The following SYNE2 variants were observed in gnomAD, a reference collection of about 807,000 sequenced individuals.
The protein encoded by SYNE2 is nesprin-2.
Under a neutral mutation model 856.3 loss-of-function variants are expected in SYNE2, and 431 were observed. The observed-to-expected ratio is 0.50, with a 90% CI of 0.47 to 0.55. The LOEUF is 0.55. Ranked by LOEUF, SYNE2 falls within the 20% of genes least tolerant of loss-of-function variation. The probability of loss-of-function intolerance (pLI) is 0.00; values close to 1 mark genes in which losing one functional copy is unlikely to be tolerated. For synonymous variants in SYNE2, 2,923 were observed against 2,872.3 expected (o/e 1.02, Z -0.56); for missense variants, 8,129 against 8,023.2 (o/e 1.01, Z -0.50).
At chr14:63,765,879 G>A (rs1385925527) in intron 1 of SYNE2, among the ~76,000 whole-genome samples, 1 of 152,120 alleles carries the variant, frequency 6.6e-6, no homozygotes, top group Non-Finnish European at 1.5e-5. Context: ...GTTGGTGCAC[G>A]CCTGTAGTCC....
chr14:64,104,992 A>G (rs1043424684), intron 64 of SYNE2, among the ~76,000 whole-genome samples: 2 of 152,072 alleles, frequency 1.3e-5, no homozygotes, highest in African/African-American at 4.8e-5. Context: ...TGTTGGTGCC[A>G]CTATTTTCTC....
chr14:63,883,354 C>T (rs1216137989), intron 1 of SYNE2, among the ~76,000 whole-genome samples: 2 of 150,224 alleles, frequency 1.3e-5, no homozygotes, highest in African/African-American at 2.5e-5. Context: ...CCACGATGCT[C>T]GGCCTATTTA....
At chr14:63,928,841 G>A (rs183791573) in intron 2 of SYNE2, among the ~76,000 whole-genome samples, 2 of 152,052 alleles carry the variant, frequency 1.3e-5, no homozygotes, top group African/African-American at 2.4e-5. Flanking sequence ...CATCCTTACC[G>A]TGTCCGTCCT....
chr14:63,769,920 C>CAT (rs889130213), intron 1 of SYNE2, among the ~76,000 whole-genome samples: 7 of 150,854 alleles, frequency 4.6e-5, no homozygotes, highest in South Asian at 2.1e-4. Flanking sequence ...CTAGGGGCAA[C>CAT]ATATATATAT....
chr14:64,113,560 G>T lies in SYNE2; in HGVS notation c.12829G>T (p.Val4277Leu). 1 of 1,608,498 alleles carries T rather than the reference G, an allele frequency of 6.2e-7. No homozygotes were observed. The highest frequency in any genetic ancestry group is 1.1e-5 in the South Asian group (1 of 90,052). ...DMQQVLEQQL[V>L]GCQAMLTEIE... Reference sequence around the variant, plus strand: ...GCAGCAGGTGCTGGAACAGCAGCTGGTAGGGTGCCAGGTAAGACTGAGAAG... The same window carrying T: ...GCAGCAGGTGCTGGAACAGCAGCTGTTAGGGTGCCAGGTAAGACTGAGAAG... The change falls in exon 66 of 116, where the codon GTA (valine) becomes TTA (leucine). Residue 4277 changes from valine (V) to leucine (L), a missense_variant. Coordinates refer to ENST00000555002, the MANE Select transcript of SYNE2 (RefSeq NM_182914.3).
At chr14:64,147,891 G>A (rs1286767502) in intron 84 of SYNE2, among the ~76,000 whole-genome samples, 1 of 152,192 alleles carries the variant, frequency 6.6e-6, no homozygotes, top group East Asian at 1.9e-4. Flanking sequence ...AACAGGCTAT[G>A]CCCAGTTCTT....
rs1246196521 is a variant in SYNE2 at position 63,988,421 on chromosome 14, GT to G, written c.2313+1812del. Reference sequence around the variant, plus strand: ...TGCTGTACCTTTCTATTGTTTTTCAGTTTTTTTTAATTACATGAGCTTTTTT... The same window carrying G: ...TGCTGTACCTTTCTATTGTTTTTCAGTTTTTTTAATTACATGAGCTTTTTT... On this transcript the variant is annotated intron_variant, in intron 19 of 115. Transcript: ENST00000555002. Among the ~76,000 whole-genome samples, 3 of 151,942 alleles carry G rather than the reference GT, an allele frequency of 2.0e-5. No homozygotes were observed. In the East Asian group the frequency reaches 5.8e-4, roughly 29 times the overall value.
intron 99 of SYNE2, among the ~76,000 whole-genome samples, chr14:64,194,648 T>C (rs779720120): frequency 8.5e-5 from 13 of 152,210 alleles, no homozygotes; most frequent in Non-Finnish European, 1.6e-4. Context: ...AACTTCTGAA[T>C]GCAAGACAGA....
intron 74 of SYNE2, among the ~76,000 whole-genome samples, chr14:64,129,037 G>A (rs1167261433): frequency 6.6e-6 from 1 of 152,226 alleles, no homozygotes; most frequent in African/African-American, 2.4e-5. Flanking sequence ...GGCCAGGTTG[G>A]TGGCTCACGC....
intron 1 of SYNE2, among the ~76,000 whole-genome samples, chr14:63,820,003 A>G (rs1889152700): frequency 6.6e-6 from 1 of 151,296 alleles, no homozygotes; most frequent in African/African-American, 2.4e-5. Flanking sequence ...CATTGATAGA[A>G]GGAATTAAAA....
At chr14:63,784,389 C>T (rs1056806951) in intron 1 of SYNE2, among the ~76,000 whole-genome samples, 4 of 151,684 alleles carry the variant, frequency 2.6e-5, no homozygotes, top group African/African-American at 7.3e-5. Context: ...CCCAGCTGGT[C>T]GGGAGGCTGA....
chr14:63,937,433 T>C (rs895081401), intron 2 of SYNE2, among the ~76,000 whole-genome samples: 1 of 152,076 alleles, frequency 6.6e-6, no homozygotes, highest in African/African-American at 2.4e-5. Context: ...AGCACAGGGA[T>C]GGGATATAGT....
intron 41 of SYNE2, among the ~76,000 whole-genome samples, chr14:64,025,668 A>T (rs1328818700): frequency 6.6e-6 from 1 of 152,230 alleles, no homozygotes. Flanking sequence ...TCCGTCTTCA[A>T]TGAGTGCAGA....
At position 63,887,097 on chromosome 14, in the gene SYNE2, G is replaced by C. The variant is rs146217411; in HGVS notation, c.-51-22001G>C. On this transcript the variant is annotated intron_variant, in intron 1 of 115. Coordinates refer to ENST00000555002, the MANE Select transcript of SYNE2 (RefSeq NM_182914.3). ...AGAGATCAAGACCGTCCTGGTCAAC[G>C]TGGTGAAACCCCGTCTCTACTAAAA... Among the ~76,000 whole-genome samples the C allele has an allele frequency of 1.1e-3, 168 of 152,182 alleles. 2 individuals carry two copies. The South Asian group carries it at 0.016, about 15-fold the overall frequency.
At chr14:64,169,302 C>T (rs1485718258) in intron 93 of SYNE2, among the ~76,000 whole-genome samples, 2 of 152,214 alleles carry the variant, frequency 1.3e-5, no homozygotes, top group East Asian at 1.9e-4. Flanking sequence ...CTACCATCAT[C>T]CTCATGATGT....
chr14:63,853,815 T>G (rs1000390166), intron 1 of SYNE2, among the ~76,000 whole-genome samples: 1 of 152,184 alleles, frequency 6.6e-6, no homozygotes, highest in African/African-American at 2.4e-5. Flanking sequence ...GCCGGGATTA[T>G]AATTCCATTT....
At chr14:63,815,758 C>T (rs1888954767) in intron 1 of SYNE2, among the ~76,000 whole-genome samples, 1 of 151,998 alleles carries the variant, frequency 6.6e-6, no homozygotes, top group Non-Finnish European at 1.5e-5. Context: ...GTGCCTAATG[C>T]TGTATGGGCC....
intron 1 of SYNE2, among the ~76,000 whole-genome samples, chr14:63,787,342 C>T (rs1282368605): frequency 3.3e-5 from 5 of 152,186 alleles, no homozygotes; most frequent in Non-Finnish European, 7.3e-5. Flanking sequence ...TTCCCCACCT[C>T]CCCACTACTC....
chr14:63,803,445 C>T (rs1298395622), intron 1 of SYNE2, among the ~76,000 whole-genome samples: 1 of 152,180 alleles, frequency 6.6e-6, no homozygotes, highest in East Asian at 1.9e-4. Context: ...AGAAATCGAG[C>T]GCAGTGCCGG....
Sources: gnomAD v4.1 joint callset for allele counts (sites outside exome capture counted in the v4.1 genomes callset) on GRCh38, gnomAD v4.1.1 for gene constraint, MANE v1.5 for transcripts, NCBI Gene and HGNC (gene_info 2026-07-23, HGNC 2026-07-21) for gene names.